Variants in FGD5 observed in about 807,000 individuals in gnomAD.
FGD5 encodes FYVE, RhoGEF and PH domain containing 5, also known as FYVE, RhoGEF and PH domain-containing protein 5.
Under a neutral mutation model 133.4 loss-of-function variants are expected in FGD5, and 28 were observed. The ratio of observed to expected loss-of-function variants is 0.21; its 90% CI spans 0.16 to 0.29. The LOEUF is 0.29. FGD5 is among the 10% of genes least tolerant of loss of function. The pLI is 1.00. For synonymous variants in FGD5, 810 were observed against 776.5 expected (o/e 1.04, Z -0.72); for missense variants, 1,858 against 1,895.2 (o/e 0.98, Z 0.36).
intron 18 of FGD5, among the ~76,000 whole-genome samples, chr3:14,928,221 G>A (rs1367451201): frequency 1.4e-5 from 2 of 146,964 alleles, no homozygotes; most frequent in Non-Finnish European, 3.0e-5. Context: ...TTACAGGCGT[G>A]AGCCACCACA....
rs2036426941 is a variant in FGD5, at chr3:14,819,039, G to C, written c.-33G>C. 10 of 1,507,020 alleles carry C rather than the reference G, an allele frequency of 6.6e-6. No individual in the cohort carries two copies. In the East Asian group the frequency reaches 2.0e-4, roughly 30 times the overall value. The allele number at this position is 1,507,020 out of a possible 1,614,324, so 93.4% of individuals were successfully genotyped here. A position where few individuals can be genotyped will look rare whatever the true frequency, so the allele number is the denominator to read the frequency against. On this transcript the variant is annotated 5_prime_UTR_variant, in exon 1 of 20. Transcript: ENST00000285046. This position sits in a 1 kb window ranked among gnomAD's most constrained non-coding sequence, Gnocchi z 4.1. ...GACCGCGCCCAAATTCCCTTCCTCAGCCAGGCCCGAGAGTCTTCACAGTCC... is the reference window on the plus strand; with the variant it reads ...GACCGCGCCCAAATTCCCTTCCTCACCCAGGCCCGAGAGTCTTCACAGTCC...
chr3:14,863,670 C>G (rs1044122976), intron 1 of FGD5, among the ~76,000 whole-genome samples: 1 of 152,214 alleles, frequency 6.6e-6, no homozygotes, highest in African/African-American at 2.4e-5. Flanking sequence ...TGTCTGCAAT[C>G]TAGCCGATGG....
At chr3:14,912,540 T>A (rs2038469150) in intron 11 of FGD5, among the ~76,000 whole-genome samples, 1 of 151,916 alleles carries the variant, frequency 6.6e-6, no homozygotes, top group African/African-American at 2.4e-5. Flanking sequence ...CTCTAGGTCG[T>A]TTTTTTTAAC....
At chr3:14,847,652 T>C (rs896207490) in intron 1 of FGD5, among the ~76,000 whole-genome samples, 2 of 152,188 alleles carry the variant, frequency 1.3e-5, no homozygotes, top group Admixed American at 1.3e-4. Flanking sequence ...GATGAGGAAA[T>C]TGAGGCACAG....
At chr3:14,902,007 T>A (rs1359500333) in intron 9 of FGD5, among the ~76,000 whole-genome samples, 4 of 151,784 alleles carry the variant, frequency 2.6e-5, no homozygotes, top group Non-Finnish European at 5.9e-5. Flanking sequence ...ACGGGCCAGG[T>A]GTGGTGGCTC....
At chr3:14,832,514 G>T (rs901779131) in intron 1 of FGD5, among the ~76,000 whole-genome samples, 6 of 152,198 alleles carry the variant, frequency 3.9e-5, no homozygotes, top group Non-Finnish European at 7.3e-5. Context: ...CTGCTGTGTG[G>T]TTCCTTCTTT....
At chr3:14,873,065 G>C (rs943980330) in intron 2 of FGD5, among the ~76,000 whole-genome samples, 2 of 152,200 alleles carry the variant, frequency 1.3e-5, no homozygotes, top group African/African-American at 4.8e-5. Context: ...TATTGCCACA[G>C]ATTCCATTCT....
chr3:14,861,039 GTAT>G (rs1440976248), intron 1 of FGD5, among the ~76,000 whole-genome samples: 1 of 152,158 alleles, frequency 6.6e-6, no homozygotes, highest in Non-Finnish European at 1.5e-5. Flanking sequence ...GACCTCACAG[GTAT>G]TATCACTTAG....
In FGD5 at chr3:14,903,354, T is replaced by TTTATTA. The variant is rs529647828; in HGVS notation, c.3264+2310_3264+2315dup. Among the ~76,000 whole-genome samples the TTTATTA allele has an allele frequency of 7.0e-3, 1,062 of 151,566 alleles. 8 individuals are homozygous for TTTATTA. Among genetic ancestry groups the TTTATTA allele is most frequent in the African/African-American group, 0.024 (1,002 of 41,354 alleles). On this transcript the variant is annotated intron_variant, in intron 9 of 19. Transcript: ENST00000285046. ...CACAGTGTTCTCTGTTATGAACATC[T>TTTATTA]TTATTATTATTATTATTATTATACT...
At chr3:14,911,825 G>A (rs1393857575) in intron 11 of FGD5, among the ~76,000 whole-genome samples, 2 of 149,944 alleles carry the variant, frequency 1.3e-5, no homozygotes, top group Non-Finnish European at 3.0e-5. Flanking sequence ...AGGGCCAGGG[G>A]TGAAGAGAAG....
At chr3:14,895,085 G>C (rs1367838020) in intron 4 of FGD5, among the ~76,000 whole-genome samples, 1 of 152,104 alleles carries the variant, frequency 6.6e-6, no homozygotes, top group African/African-American at 2.4e-5. Context: ...AGTTGTGTGA[G>C]CTCCTTATAT....
chr3:14,918,717 T>C, intron 12 of FGD5, 37 bp from the exon 13 acceptor site: 1 of 1,218,096 alleles, frequency 8.2e-7, no homozygotes, highest in Non-Finnish European at 1.2e-6. Context: ...TGCCCCTCCC[T>C]GCCCCACCCT....
intron 1 of FGD5, 31 bp from the exon 2 acceptor site, chr3:14,864,097 T>G (rs2037450102): frequency 6.2e-7 from 1 of 1,604,394 alleles, no homozygotes; most frequent in South Asian, 1.1e-5. Flanking sequence ...AACAAAAAGC[T>G]TTAACCCTTC....
rs1192483181 is a variant in FGD5 at position 14,864,181 on chromosome 3, AGGACCTTACGTC to A, written c.2583_2594del (p.Leu862_Asp865del). 6.2e-7 allele frequency: 1 copy of A among 1,614,010 alleles called. No individual in the cohort carries two copies. Among genetic ancestry groups the A allele is most frequent in the East Asian group, 2.2e-5 (1 of 44,882 alleles). ...CCCATCTCGTCGGCAGCCCCCAAAG[AGGACCTTACGTC>A]GGATGAAGAGCAGAGAAGCTCGGAG... On this transcript the variant is annotated inframe_deletion, in exon 2 of 20. Coordinates refer to ENST00000285046, the MANE Select transcript of FGD5 (RefSeq NM_152536.4).
At chr3:14,823,267 G>A (rs143693517) in intron 1 of FGD5, among the ~76,000 whole-genome samples, 24 of 152,262 alleles carry the variant, frequency 1.6e-4, no homozygotes, top group African/African-American at 2.2e-4. Context: ...GTCAGAGACC[G>A]CCCACCTCTA....
chr3:14,908,949 TATTC>T (rs559413423), intron 10 of FGD5, among the ~76,000 whole-genome samples: 21 of 141,132 alleles, frequency 1.5e-4, no homozygotes, highest in Admixed American at 5.0e-4. Flanking sequence ...TTTATTTATT[TATTC>T]ATTCATTCAT....
intron 2 of FGD5, among the ~76,000 whole-genome samples, chr3:14,869,341 C>T (rs887193998): frequency 8.5e-5 from 13 of 152,160 alleles, no homozygotes; most frequent in Non-Finnish European, 1.8e-4. Context: ...ACAAAACTGG[C>T]TATGGTCGTG....
intron 2 of FGD5, among the ~76,000 whole-genome samples, chr3:14,873,560 G>T (rs886912128): frequency 6.6e-6 from 1 of 152,108 alleles, no homozygotes; most frequent in Non-Finnish European, 1.5e-5. Context: ...GCTGTGTCTT[G>T]TTTGAGCCAA....
At chr3:14,923,897 T>C in intron 16 of FGD5, 111 bp from the exon 17 acceptor site, 1 of 1,366,842 alleles carries the variant, frequency 7.3e-7, no homozygotes, top group Non-Finnish European at 1.0e-6. Flanking sequence ...CAGGTCCCAC[T>C]TAACCCCCAT....
Sources: gnomAD v4.1 joint callset for allele counts (sites outside exome capture counted in the v4.1 genomes callset) on GRCh38, gnomAD v4.1.1 for gene constraint, Gnocchi (gnomAD v3.1) non-coding constraint, MANE v1.5 for transcripts, NCBI Gene and HGNC (gene_info 2026-07-23, HGNC 2026-07-21) for gene names.